Variants in PLCB4 observed in about 807,000 individuals in gnomAD.
The protein encoded by PLCB4 is 1-phosphatidylinositol 4,5-bisphosphate phosphodiesterase beta-4.
Under a neutral mutation model 178.8 loss-of-function variants are expected in PLCB4, and 77 were observed. The observed-to-expected ratio is 0.43, with a 90% CI of 0.36 to 0.52. PLCB4 has a LOEUF of 0.52. Ranked by LOEUF, PLCB4 falls within the 20% of genes least tolerant of loss-of-function variation. The probability of loss-of-function intolerance (pLI) is 0.00; values close to 1 mark genes in which losing one functional copy is unlikely to be tolerated. For synonymous variants in PLCB4, 496 were observed against 490.8 expected (o/e 1.01, Z -0.14); for missense variants, 1,024 against 1,453.4 (o/e 0.70, Z 4.80).
intron 2 of PLCB4, among the ~76,000 whole-genome samples, chr20:9,114,952 C>A (rs1374260976): frequency 6.6e-6 from 1 of 152,126 alleles, no homozygotes; most frequent in African/African-American, 2.4e-5. Flanking sequence ...CTGTGTTTGG[C>A]CATGAATCCA....
chr20:9,468,580 G>A lies in PLCB4; in HGVS notation c.3258G>A (p.Lys1086=). Residue 1086 remains lysine, a synonymous_variant, in exon 36 of 40, where the codon AAG becomes AAA. Coordinates refer to ENST00000378473, the MANE Select transcript of PLCB4 (RefSeq NM_001377142.1). ...QLKLSHDRES[K]EMRAHQAKIS... is the part of the protein sequence containing the mutation. ...TGTTTTTAATACATAGGGAAAGCAAGGAAATGCGAGCACACCAGGCTAAGA... is the reference window on the plus strand; with the variant it reads ...TGTTTTTAATACATAGGGAAAGCAAAGAAATGCGAGCACACCAGGCTAAGA... The A allele has an allele frequency of 6.2e-7, 1 of 1,603,762 alleles. No individual in the cohort carries two copies. The highest frequency in any genetic ancestry group is 1.3e-5 in the African/African-American group (1 of 74,790).
chr20:9,473,678 T>G (rs1471862691), intron 38 of PLCB4, among the ~76,000 whole-genome samples: 2 of 152,190 alleles, frequency 1.3e-5, no homozygotes, highest in African/African-American at 4.8e-5. Flanking sequence ...TTCTCCATTT[T>G]CATTTAGAGT....
intron 36 of PLCB4, 73 bp downstream of exon 36, chr20:9,468,745 G>A: frequency 6.1e-6 from 5 of 823,800 alleles, no homozygotes; most frequent in South Asian, 1.5e-5. Flanking sequence ...CTTTATGTGT[G>A]TACACACACA....
intron 3 of PLCB4, among the ~76,000 whole-genome samples, chr20:9,283,555 C>A (rs1007172298): frequency 2.0e-5 from 3 of 151,908 alleles, no homozygotes; most frequent in Admixed American, 6.6e-5. Flanking sequence ...AATTCTTATC[C>A]TTTATGGCCT....
chr20:9,286,145 GT>G (rs1023267344), intron 3 of PLCB4, among the ~76,000 whole-genome samples: 4 of 152,018 alleles, frequency 2.6e-5, no homozygotes, highest in African/African-American at 9.7e-5. Flanking sequence ...GTGTAAGTAT[GT>G]GTGTTGGTGG....
At chr20:9,430,780 G>T (rs2148616744) in intron 28 of PLCB4, among the ~76,000 whole-genome samples, 1 of 152,276 alleles carries the variant, frequency 6.6e-6, no homozygotes, top group African/African-American at 2.4e-5. Context: ...AGCCCTAGAA[G>T]CTGAGACCAA....
intron 1 of PLCB4, among the ~76,000 whole-genome samples, chr20:9,076,204 C>T (rs937279108): frequency 3.3e-5 from 5 of 152,104 alleles, no homozygotes; most frequent in Admixed American, 2.0e-4. Context: ...CGATGGCTCA[C>T]GCCTGTAATT....
chr20:9,153,394 G>T (rs2092724541), intron 2 of PLCB4, among the ~76,000 whole-genome samples: 2 of 152,094 alleles, frequency 1.3e-5, no homozygotes. Context: ...CATGGGGGTT[G>T]GTCTTTGCCG....
chr20:9,311,973 A>G (rs2094839772), intron 4 of PLCB4, among the ~76,000 whole-genome samples: 1 of 152,202 alleles, frequency 6.6e-6, no homozygotes, highest in African/African-American at 2.4e-5. Context: ...ATTTAAATTC[A>G]AATTCATATA....
intron 4 of PLCB4, among the ~76,000 whole-genome samples, chr20:9,310,447 A>G (rs2094818231): frequency 6.6e-6 from 1 of 152,176 alleles, no homozygotes; most frequent in African/African-American, 2.4e-5. Flanking sequence ...ACAGTGTCTT[A>G]TGCCTGTAAT....
At chr20:9,137,042 C>G (rs1294214582) in intron 2 of PLCB4, among the ~76,000 whole-genome samples, 1 of 152,062 alleles carries the variant, frequency 6.6e-6, no homozygotes, top group African/African-American at 2.4e-5. Flanking sequence ...TTGGTTGACT[C>G]TGTCCCCCTC....
Position 9,276,952 on chromosome 20 carries a change from A to AAGAAAT in PLCB4, c.-15-30841_-15-30836dup, listed in dbSNP as rs2094455646. Among the ~76,000 whole-genome samples, 8 of 152,180 alleles carry AAGAAAT rather than the reference A, an allele frequency of 5.3e-5. No individual in the cohort carries two copies. In the South Asian group the frequency reaches 1.7e-3, roughly 32 times the overall value. On this transcript the variant is annotated intron_variant, in intron 3 of 39. Coordinates refer to ENST00000378473, the MANE Select transcript of PLCB4 (RefSeq NM_001377142.1). ...ATCTTGTCTCTAAAAGAAAAAGAAA[A>AAGAAAT]AGAAATAGAAATGTGCAATTTTTGT...
chr20:9,437,710 G>A (rs985158687), intron 30 of PLCB4, among the ~76,000 whole-genome samples: 1 of 152,208 alleles, frequency 6.6e-6, no homozygotes, highest in Non-Finnish European at 1.5e-5. Flanking sequence ...GTTCTGGAAA[G>A]AATTCTGGGG....
Position 9,344,558 on chromosome 20 carries a change from G to A in PLCB4, c.369+5521G>A, listed in dbSNP as rs551008578. On this transcript the variant is annotated intron_variant, in intron 7 of 39. Coordinates refer to ENST00000378473, the MANE Select transcript of PLCB4 (RefSeq NM_001377142.1). ...TGACTAAATGAATTCCAACCCAAGT[G>A]ATAAAGGTGTATAAACCTTAATGTT... is the stretch of plus-strand genomic sequence containing the variant. Among the ~76,000 whole-genome samples, 7 of 152,274 alleles carry A rather than the reference G, an allele frequency of 4.6e-5. No individual in the cohort carries two copies. The South Asian group carries it at 1.2e-3, about 27-fold the overall frequency.
chr20:9,439,395 C>T (rs114284285), intron 30 of PLCB4, among the ~76,000 whole-genome samples: 3,102 of 152,256 alleles, frequency 0.02, 89 homozygotes, highest in African/African-American at 0.071. Flanking sequence ...CCATTGGCTA[C>T]AGCAGGTCAC....
At chr20:9,432,678 C>T (rs1381651066) in intron 28 of PLCB4, among the ~76,000 whole-genome samples, 1 of 152,170 alleles carries the variant, frequency 6.6e-6, no homozygotes, top group Non-Finnish European at 1.5e-5. Flanking sequence ...CTAGGTTGGT[C>T]AAATTGTGTC....
At chr20:9,412,262 C>G (rs1237859099) in intron 25 of PLCB4, among the ~76,000 whole-genome samples, 2 of 152,208 alleles carry the variant, frequency 1.3e-5, no homozygotes, top group Non-Finnish European at 2.9e-5. Flanking sequence ...TGTAGACCTC[C>G]TCCTCTCCCA....
intron 2 of PLCB4, among the ~76,000 whole-genome samples, chr20:9,097,233 T>A (rs75097375): frequency 2.1e-5 from 2 of 95,992 alleles, no homozygotes; most frequent in Non-Finnish European, 4.1e-5. Flanking sequence ...CAGCCTGGCC[T>A]TTTTTTTTTT....
intron 2 of PLCB4, among the ~76,000 whole-genome samples, chr20:9,112,304 G>C (rs913024114): frequency 1.1e-4 from 16 of 146,320 alleles, no homozygotes; most frequent in African/African-American, 4.1e-4. Flanking sequence ...TGCCCAGGCC[G>C]CAGTACAGTG....
Sources: allele counts gnomAD v4.1 joint callset (sites outside exome capture counted in the v4.1 genomes callset), GRCh38; gene constraint gnomAD v4.1.1; transcripts MANE v1.5; gene names NCBI Gene and HGNC (gene_info 2026-07-23, HGNC 2026-07-21).